EIF4G2: variants seen among roughly 807,000 people sequenced by gnomAD.
EIF4G2 encodes the protein eukaryotic translation initiation factor 4 gamma 2.
In EIF4G2, 8 loss-of-function variants were observed where a neutral mutation model predicts 117.7. That is an observed-to-expected ratio of 0.07 (90% CI 0.04 to 0.12). The LOEUF (loss-of-function observed/expected upper bound fraction) is 0.12. EIF4G2 is among the 10% of genes least tolerant of loss of function. The pLI is 1.00. For missense variants in EIF4G2, 812 were observed against 1,086.2 expected, an observed-to-expected ratio of 0.75 and a Z score of 3.55; for synonymous variants, 413 against 367.8, an observed-to-expected ratio of 1.12 and a Z score of -1.41.
chr11:10,808,258 G>A (rs975403562), intron 1 of EIF4G2: 11 of 1,184,822 alleles, frequency 9.3e-6, no homozygotes, highest in Non-Finnish European at 1.2e-5. Context: ...AGCCCCTGCC[G>A]ACTCCAGGTC....
In EIF4G2 at chr11:10,801,689, G is replaced by T; in HGVS notation, c.1385C>A (p.Ser462Tyr). The change falls in exon 14 of 22, where the codon TCT (serine) becomes TAT (tyrosine). Residue 462 changes from serine (S) to tyrosine (Y), a missense_variant. By Grantham distance (144) the Ser-to-Tyr change is moderately radical (BLOSUM62 -2). Around this residue, in one of 4 missense-constraint regions of EIF4G2, gnomAD observed 571 missense variants for 642.3 expected, o/e 0.89. Coordinates refer to ENST00000339995, the MANE Select transcript of EIF4G2 (RefSeq NM_001418.4). ...ATCTGCATTAAGCTGTCCTTTCTTAGAAAACCGAGGTGGCATATCCTTCGA... is the reference window on the plus strand; with the variant it reads ...ATCTGCATTAAGCTGTCCTTTCTTATAAAACCGAGGTGGCATATCCTTCGA... 1.2e-6 allele frequency: 2 copies of T among 1,614,150 alleles called. No homozygotes were observed. The highest frequency in any genetic ancestry group is 1.7e-6 in the Non-Finnish European group (2 of 1,179,998).
intron 2 of EIF4G2, 28 bp downstream of exon 2, chr11:10,807,227 G>A (rs1466295851): frequency 2.5e-6 from 4 of 1,597,494 alleles, no homozygotes; most frequent in Non-Finnish European, 3.4e-6. Context: ...CTTTTCAAAA[G>A]GATTCCCCAA....
chr11:10,806,001 G>A lies in EIF4G2; in HGVS notation c.154C>T (p.Pro52Ser). 1.2e-6 allele frequency: 2 copies of A among 1,614,196 alleles called. No individual in the cohort carries two copies. The highest frequency in any genetic ancestry group is 2.2e-5 in the East Asian group (1 of 44,892). The stretch of plus-strand genomic sequence containing the variant: ...TCATCTCGTCTAGTGCTTCGTGCAG[G>A]AATCCATTTCTGAGCGTTTTGCCCT... The change falls in exon 4 of 22, where the codon CCT becomes TCT. Residue 52 changes from proline to serine, a missense_variant. Around this residue, in one of 4 missense-constraint regions of EIF4G2, gnomAD observed 79 missense variants for 91.5 expected, o/e 0.86. Transcript: ENST00000339995.
In EIF4G2 at chr11:10,799,277, A is replaced by G. The variant is rs1322142297; in HGVS notation, c.2472T>C (p.Val824=). ...CATACAGGGCACTGACTTGTAGATC[A>G]ACGTGATCATGAAGAAATTTCTGCA... The change falls in exon 20 of 22, where the codon GTT becomes GTC. Residue 824 remains valine (V), a synonymous_variant. Coordinates refer to ENST00000339995, the MANE Select transcript of EIF4G2 (RefSeq NM_001418.4). The G allele has an allele frequency of 6.2e-7, 1 of 1,614,206 alleles. No individual in the cohort carries two copies.
Position 10,804,377 on chromosome 11 carries a change from C to A in EIF4G2, c.393G>T (p.Leu131=), listed in dbSNP as rs1470022672. Residue 131 remains leucine, a synonymous_variant, in exon 6 of 22, where the codon CTG becomes CTT. Coordinates refer to ENST00000339995, the MANE Select transcript of EIF4G2 (RefSeq NM_001418.4). ...CCAATCGCAGACATAGCTGAGCATA[C>A]AGTGAGCTATACTTTGGCTCTTCTA... 3 of 1,613,774 alleles carry A rather than the reference C, an allele frequency of 1.9e-6. No homozygotes were observed. The highest frequency in any genetic ancestry group is 2.5e-6 in the Non-Finnish European group (3 of 1,179,892).
At position 10,808,693 on chromosome 11, in the gene EIF4G2, G is replaced by C; in HGVS notation, c.-87+12C>G. 1 of 208,876 alleles carries C rather than the reference G, an allele frequency of 4.8e-6. No individual in the cohort carries two copies. The highest frequency in any genetic ancestry group is 5.2e-5 in the South Asian group (1 of 19,256). 12.9% of individuals were successfully genotyped at this position (208,876 alleles called of 1,614,324 possible). On this transcript the variant is annotated intron_variant, in intron 1 of 21. Coordinates refer to ENST00000339995, the MANE Select transcript of EIF4G2 (RefSeq NM_001418.4). ...GAGCGCTCCACTCGGCGGCGGCAGC[G>C]GCTCAACTCACCTTCACCGAGAACT...
At chr11:10,806,143 T>C (rs1446053692) in intron 3 of EIF4G2, 96 bp from the exon 4 acceptor site, 10 of 1,532,788 alleles carry the variant, frequency 6.5e-6, no homozygotes, top group Non-Finnish European at 8.9e-6. Context: ...TTAGGCTTTC[T>C]CGACTTCCCC....
At position 10,800,987 on chromosome 11, in the gene EIF4G2, C is replaced by T. The variant is rs780085043; in HGVS notation, c.1514G>A (p.Arg505His). The T allele has an allele frequency of 2.4e-5, 39 of 1,614,004 alleles. No homozygotes were observed. Among genetic ancestry groups the T allele is most frequent in the Admixed American group, 5.0e-5 (3 of 60,004 alleles). The change falls in exon 15 of 22, where the codon CGC (arginine) becomes CAC (histidine). Residue 505 changes from arginine to histidine, a missense_variant. Arg to His is a conservative substitution (Grantham distance 29). Coordinates refer to ENST00000339995, the MANE Select transcript of EIF4G2 (RefSeq NM_001418.4). ...CTGTCCCAGAGGTGGTGTTTGAGTG[C>T]GTGGTGGTTGTGCACTAGGAGGAAT...
chr11:10,803,769 C>A lies in EIF4G2; in HGVS notation c.702+130G>T. The A allele has an allele frequency of 7.8e-7, 1 of 1,285,124 alleles. No homozygotes were observed. The highest frequency in any genetic ancestry group is 1.4e-5 in the South Asian group (1 of 71,240). 79.6% of individuals were successfully genotyped at this position (1,285,124 alleles called of 1,614,324 possible). Reference sequence around the variant, plus strand: ...ACTTTGTCAAACACACCACGTATTTCAAATTATTCTGTTTAGTAAATTTTG... The same window carrying A: ...ACTTTGTCAAACACACCACGTATTTAAAATTATTCTGTTTAGTAAATTTTG... On this transcript the variant is annotated intron_variant, in intron 8 of 21. Transcript: ENST00000339995. This position sits in a 1 kb window ranked among gnomAD's most constrained non-coding sequence, Gnocchi z 4.0.
chr11:10,799,018 G>A lies in EIF4G2; in HGVS notation c.2632C>T (p.Pro878Ser), dbSNP rs760295178. 29 of 1,609,488 alleles carry A rather than the reference G, an allele frequency of 1.8e-5. No individual in the cohort carries two copies. Among genetic ancestry groups the A allele is most frequent in the Non-Finnish European group, 2.5e-5 (29 of 1,178,954 alleles). Reference sequence around the variant, plus strand: ...TGGAACAAAGCCTTGCCTTTTCCCGGAAACTCTTGGGTTATATCTTCTTTC... The same window carrying A: ...TGGAACAAAGCCTTGCCTTTTCCCGAAAACTCTTGGGTTATATCTTCTTTC... Residue 878 changes from proline (P) to serine (S), a missense_variant, in exon 21 of 22, where the codon CCG becomes TCG. Coordinates refer to ENST00000339995, the MANE Select transcript of EIF4G2 (RefSeq NM_001418.4).
chr11:10,808,441 C>T lies in EIF4G2; in HGVS notation c.-87+264G>A, dbSNP rs905947128. 4.8e-6 allele frequency: 6 copies of T among 1,262,576 alleles called. No homozygotes were observed. In the African/African-American group the frequency reaches 4.8e-5, roughly 10 times the overall value. 78.2% of individuals were successfully genotyped at this position (1,262,576 alleles called of 1,614,324 possible). ...GCCGTGCCTCGGTCCGCCACGGCCT[C>T]GTCCCTGCAGGCGTCGGCCATCCGG... On this transcript the variant is annotated intron_variant, in intron 1 of 21. Coordinates refer to ENST00000339995, the MANE Select transcript of EIF4G2 (RefSeq NM_001418.4).
At chr11:10,798,279 TGA>T (rs1847316213) in intron 21 of EIF4G2, among the ~76,000 whole-genome samples, 1 of 152,252 alleles carries the variant, frequency 6.6e-6, no homozygotes, top group Non-Finnish European at 1.5e-5. Context: ...TCAGGTGATT[TGA>T]GAGAATGCCC....
In EIF4G2 at chr11:10,806,847, T is replaced by A. The variant is rs1324400143; in HGVS notation, c.80A>T (p.Gln27Leu). ...GTTGCCAGCAGTCTTGGGATAGTGC[T>A]GAGGTGCACCCCTACTTCCTCCTCC... The change falls in exon 3 of 22, where the codon CAG becomes CTG. Residue 27 changes from glutamine to leucine, a missense_variant. By Grantham distance (113) the Gln-to-Leu change is moderately radical. Around this residue, in one of 4 missense-constraint regions of EIF4G2, gnomAD observed 79 missense variants for 91.5 expected, o/e 0.86. Transcript: ENST00000339995. 4 of 1,614,096 alleles carry A rather than the reference T, an allele frequency of 2.5e-6. No homozygotes were observed. The African/African-American group carries it at 4.0e-5, about 16-fold the overall frequency.
Position 10,797,732 on chromosome 11 carries a change from A to C in EIF4G2, c.*84T>G. On this transcript the variant is annotated 3_prime_UTR_variant, in exon 22 of 22. Coordinates refer to ENST00000339995, the MANE Select transcript of EIF4G2 (RefSeq NM_001418.4). This position sits in a 1 kb window ranked among gnomAD's most constrained non-coding sequence, Gnocchi z 4.5. ...AATATTGTGAAAACATTACAGCGGA[A>C]TGAATTTTCGCAGTGGTTAGGTCAA... The C allele has an allele frequency of 7.4e-7, 1 of 1,349,962 alleles. No individual in the cohort carries two copies. Among genetic ancestry groups the C allele is most frequent in the South Asian group, 1.2e-5 (1 of 82,390 alleles). 83.6% of individuals were successfully genotyped at this position (1,349,962 alleles called of 1,614,324 possible).
chr11:10,801,814 G>T (rs1847425907), intron 13 of EIF4G2, 40 bp from the exon 14 acceptor site: 1 of 1,576,386 alleles, frequency 6.3e-7, no homozygotes, highest in African/African-American at 1.4e-5. Context: ...GATAAAAAGG[G>T]GTCCACAAAT....
chr11:10,805,601 T>C (rs1847545474), intron 4 of EIF4G2, among the ~76,000 whole-genome samples: 2 of 152,042 alleles, frequency 1.3e-5, no homozygotes, highest in African/African-American at 4.8e-5. Flanking sequence ...TACAGGCGCC[T>C]GCCACTACGT....
rs779987229 is a variant in EIF4G2 at position 10,801,642 on chromosome 11, G to C, written c.1413+19C>G. ...TGAATGGACAAACTATGGTATATAA[G>C]TAACATAGGCAAATGTACCTCATCT... On this transcript the variant is annotated intron_variant, in intron 14 of 21. Coordinates refer to ENST00000339995, the MANE Select transcript of EIF4G2 (RefSeq NM_001418.4). The C allele has an allele frequency of 1.2e-6, 2 of 1,601,272 alleles. No individual in the cohort carries two copies. The highest frequency in any genetic ancestry group is 2.2e-5 in the East Asian group (1 of 44,824).
intron 7 of EIF4G2, 22 bp from the exon 8 acceptor site, chr11:10,804,072 T>C (rs763233872): frequency 6.2e-7 from 1 of 1,612,638 alleles, no homozygotes; most frequent in South Asian, 1.1e-5. Flanking sequence ...ACCAATGAAG[T>C]AAGCCAACAT....
chr11:10,807,038 T>G, intron 2 of EIF4G2, 153 bp from the exon 3 acceptor site: 1 of 1,114,534 alleles, frequency 9.0e-7, no homozygotes, highest in South Asian at 1.5e-5. Context: ...TGCTTGTATA[T>G]TATGCTACAA....
Sources: allele counts gnomAD v4.1 joint callset (sites outside exome capture counted in the v4.1 genomes callset), GRCh38; gene constraint gnomAD v4.1.1; regional missense constraint gnomAD v4.1.1; non-coding constraint Gnocchi (gnomAD v3.1); transcripts MANE v1.5; gene names NCBI Gene and HGNC (gene_info 2026-07-23, HGNC 2026-07-21).